The following NSF variants were observed in gnomAD, a reference collection of about 807,000 sequenced individuals.
The protein encoded by NSF is N-ethylmaleimide sensitive factor, vesicle fusing ATPase, also known as vesicle-fusing ATPase.
Under a neutral mutation model 50.3 loss-of-function variants are expected in NSF, and 14 were observed. The observed-to-expected ratio is 0.28, with a 90% CI of 0.18 to 0.44. The LOEUF is 0.44. Among genes scored for constraint, NSF ranks in the 20% least tolerant of loss-of-function variants. The probability of loss-of-function intolerance (pLI) is 1.00; values close to 1 mark genes in which losing one functional copy is unlikely to be tolerated. For synonymous variants in NSF, 109 were observed against 175.7 expected (o/e 0.62, Z 3.00); for missense variants, 218 against 504.3 (o/e 0.43, Z 5.44).
chr17:46,606,035 C>T (rs1291439999), intron 1 of NSF, among the ~76,000 whole-genome samples: 2 of 94,482 alleles, frequency 2.1e-5, no homozygotes, highest in Non-Finnish European at 1.9e-5. Flanking sequence ...AAAAATTAGC[C>T]GGGTGTGGTG....
At chr17:46,731,810 CTGCAGTATA>C (rs1205539631) in intron 17 of NSF, among the ~76,000 whole-genome samples, 5 of 152,162 alleles carry the variant, frequency 3.3e-5, no homozygotes, top group Admixed American at 6.5e-5. Flanking sequence ...GCCAGATTAC[CTGCAGTATA>C]CATGAATCAG....
At chr17:46,712,921 A>T (rs2058733600) in intron 14 of NSF, among the ~76,000 whole-genome samples, 1 of 152,234 alleles carries the variant, frequency 6.6e-6, no homozygotes, top group African/African-American at 2.4e-5. Context: ...TAAGAGGCTG[A>T]AAAAGATACC....
chr17:46,729,578 A>T (rs1568050182), intron 17 of NSF, among the ~76,000 whole-genome samples: 1 of 152,274 alleles, frequency 6.6e-6, no homozygotes, highest in East Asian at 1.9e-4. Context: ...CTGCCAGAGC[A>T]TGTTTGGCTG....
At chr17:46,710,737 G>A (rs1273386243) in intron 13 of NSF, among the ~76,000 whole-genome samples, 1 of 152,086 alleles carries the variant, frequency 6.6e-6, no homozygotes, top group Non-Finnish European at 1.5e-5. Flanking sequence ...TCTCAGCCTA[G>A]AATCCATTGT....
chr17:46,755,336 G>T lies in NSF; in HGVS notation c.2180G>T (p.Arg727Ile), dbSNP rs1461390344. 1.2e-6 allele frequency: 2 copies of T among 1,613,798 alleles called. No homozygotes were observed. Among genetic ancestry groups the T allele is most frequent in the Admixed American group, 3.3e-5 (2 of 60,024 alleles). ...TAGATGGATCCTGAATACCGTGTGA[G>T]AAAATTCTTGGCCCTCTTAAGAGAA... ...SLQMDPEYRV[R>I]KFLALLREEG... The change falls in exon 20 of 21, where the codon AGA becomes ATA. Residue 727 changes from arginine (R) to isoleucine (I), a missense_variant. By Grantham distance (97) the Arg-to-Ile change is moderately conservative (BLOSUM62 -3). This residue lies in a region of NSF where 209 missense variants were observed against 320.9 expected (regional missense o/e 0.65). Coordinates refer to ENST00000398238, the MANE Select transcript of NSF (RefSeq NM_006178.4).
intron 17 of NSF, among the ~76,000 whole-genome samples, chr17:46,734,046 G>T (rs184696751): frequency 6.6e-6 from 1 of 152,290 alleles, no homozygotes; most frequent in African/African-American, 2.4e-5. Context: ...TTTAACATCA[G>T]CAGTCTCTAG....
chr17:46,599,879 T>C (rs1440696757), intron 1 of NSF, among the ~76,000 whole-genome samples: 68 of 102,650 alleles, frequency 6.6e-4, no homozygotes, highest in Admixed American at 6.2e-4. Context: ...AAAATAATAA[T>C]AATAAATAAA....
intron 13 of NSF, among the ~76,000 whole-genome samples, chr17:46,710,388 T>C (rs936554950): frequency 4.6e-5 from 7 of 152,198 alleles, no homozygotes; most frequent in Admixed American, 2.6e-4. Context: ...AATAATTGCT[T>C]TTATATCCTT....
intron 17 of NSF, among the ~76,000 whole-genome samples, chr17:46,734,714 C>A (rs1046064505): frequency 2.3e-4 from 35 of 151,914 alleles, no homozygotes; most frequent in South Asian, 1.7e-3. Context: ...TATTAAAGAA[C>A]ATATATATAT....
At chr17:46,694,373 C>G in intron 11 of NSF, 102 bp from the exon 12 acceptor site, 1 of 870,764 alleles carries the variant, frequency 1.1e-6, no homozygotes, top group Non-Finnish European at 1.7e-6. Context: ...GGAAACAGAG[C>G]GAGACTCTGT....
In NSF at chr17:46,692,911, T is replaced by C; in HGVS notation, c.954T>C (p.Ala318=). The C allele has an allele frequency of 7.7e-7, 1 of 1,292,982 alleles. No homozygotes were observed. Among genetic ancestry groups the C allele is most frequent in the South Asian group, 1.3e-5 (1 of 79,318 alleles). 80.1% of individuals were successfully genotyped at this position (1,292,982 alleles called of 1,614,324 possible). ...ATTTCTTCCCCTAATAGCTTGGTGCTAACAGTGGTTTGCACATCATCATCT... is the reference window on the plus strand; with the variant it reads ...ATTTCTTCCCCTAATAGCTTGGTGCCAACAGTGGTTTGCACATCATCATCT... ...DAEEEQRRLG[A]NSGLHIIIFD... The change falls in exon 10 of 21, where the codon GCT becomes GCC. Residue 318 remains alanine, a synonymous_variant. Transcript: ENST00000398238.
intron 15 of NSF, chr17:46,721,750 A>G (rs1449603608): frequency 2.8e-5 from 45 of 1,604,574 alleles, no homozygotes; most frequent in Non-Finnish European, 3.8e-5. Context: ...TCTTGCCCAC[A>G]ATTTCGCTTG....
intron 15 of NSF, among the ~76,000 whole-genome samples, chr17:46,717,745 G>A (rs2058787416): frequency 6.6e-6 from 1 of 152,186 alleles, no homozygotes; most frequent in South Asian, 2.1e-4. Context: ...CGTTCGGGGA[G>A]TGGGCCTGGT....
intron 17 of NSF, among the ~76,000 whole-genome samples, chr17:46,737,574 T>C (rs1265450034): frequency 2.4e-4 from 7 of 28,708 alleles, no homozygotes; most frequent in African/African-American, 5.4e-4. Flanking sequence ...TGTGTGTGCG[T>C]GTGTGTGTGT....
intron 17 of NSF, among the ~76,000 whole-genome samples, chr17:46,741,040 G>A (rs1405234625): frequency 6.6e-6 from 1 of 152,148 alleles, no homozygotes; most frequent in East Asian, 1.9e-4. Flanking sequence ...GGGGGCAGGG[G>A]CAAGAGTGGA....
intron 17 of NSF, among the ~76,000 whole-genome samples, chr17:46,731,964 G>A (rs2058953482): frequency 6.6e-6 from 1 of 152,292 alleles, no homozygotes; most frequent in East Asian, 1.9e-4. Context: ...TTTTCAGGCT[G>A]ATCCAAGTGT....
In NSF at chr17:46,710,990, G is replaced by T; in HGVS notation, c.1498G>T (p.Ala500Ser). 3 of 1,594,630 alleles carry T rather than the reference G, an allele frequency of 1.9e-6. No individual in the cohort carries two copies. Among genetic ancestry groups the T allele is most frequent in the South Asian group, 1.2e-5 (1 of 86,348 alleles). ...PAFGTNQEDY[A>S]SYIMNGIIKW... ...CTTTGGCACAAACCAAGAAGATTAT[G>T]CAAGTTACATTATGAACGGTATCAT... The change falls in exon 14 of 21, where the codon GCA becomes TCA. Residue 500 changes from alanine to serine, a missense_variant. This residue lies in a region of NSF where 209 missense variants were observed against 320.9 expected (regional missense o/e 0.65). Coordinates refer to ENST00000398238, the MANE Select transcript of NSF (RefSeq NM_006178.4).
At chr17:46,638,837 A>G (rs2058207956) in intron 5 of NSF, among the ~76,000 whole-genome samples, 1 of 50,626 alleles carries the variant, frequency 2.0e-5, no homozygotes, top group Non-Finnish European at 3.1e-5. Flanking sequence ...TAAAGAAGGT[A>G]AATGGTATGC....
At chr17:46,717,704 T>G (rs1443610255) in intron 15 of NSF, among the ~76,000 whole-genome samples, 2 of 152,016 alleles carry the variant, frequency 1.3e-5, no homozygotes, top group Non-Finnish European at 2.9e-5. Context: ...AGAGCAAGAC[T>G]CCATCTAAAA....
Sources: gnomAD v4.1 joint callset for allele counts (sites outside exome capture counted in the v4.1 genomes callset) on GRCh38, gnomAD v4.1.1 for gene constraint, gnomAD v4.1.1 regional missense constraint, MANE v1.5 for transcripts, NCBI Gene and HGNC (gene_info 2026-07-23, HGNC 2026-07-21) for gene names.